The following PRAMEF20 variants were observed in gnomAD, a reference collection of about 807,000 sequenced individuals.
PRAMEF20 encodes PRAME family member 20/21.
A neutral mutation model predicts 32.4 loss-of-function variants in PRAMEF20; 27 were observed. The observed-to-expected ratio is 0.83, with a 90% CI of 0.61 to 1.15. PRAMEF20 has a LOEUF of 1.15. Among genes scored for constraint, PRAMEF20 ranks in the 50% most tolerant of loss-of-function variants. The pLI is 0.00. For synonymous variants in PRAMEF20, 256 were observed against 235.4 expected, an observed-to-expected ratio of 1.09 and a Z score of -0.80; for missense variants, 604 against 584.5, an observed-to-expected ratio of 1.03 and a Z score of -0.34.
chr1:13,418,525 A>G, exon 2 of PRAMEF20: 1 of 1,613,994 alleles, frequency 6.2e-7, no homozygotes, highest in Non-Finnish European at 8.5e-7. Flanking sequence ...CCTCGGCCAG[A>G]TGAGGAATCT....
upstream of PRAMEF20, among the ~76,000 whole-genome samples, chr1:13,413,022 T>C (rs1283235893): frequency 6.6e-6 from 1 of 152,168 alleles, no homozygotes; most frequent in East Asian, 1.9e-4. Flanking sequence ...GTCATCTCTG[T>C]CTTTGTAAAC....
intron 1 of PRAMEF20, among the ~76,000 whole-genome samples, chr1:13,417,644 CAG>C (rs1365239730): frequency 6.7e-6 from 1 of 149,386 alleles, no homozygotes; most frequent in East Asian, 2.0e-4. Flanking sequence ...AAGGGTAAAA[CAG>C]GGTGGAGAAA....
chr1:13,420,902 G>A (rs1641235473), exon 3 of PRAMEF20: 1 of 1,613,862 alleles, frequency 6.2e-7, no homozygotes, highest in African/African-American at 1.3e-5. Flanking sequence ...GGACTTAGAT[G>A]ACTGTGGCAT....
upstream of PRAMEF20, among the ~76,000 whole-genome samples, chr1:13,414,208 ATTTTTT>A (rs149194621): frequency 0.014 from 1,680 of 123,288 alleles, 23 homozygotes; most frequent in Middle Eastern, 0.023. Context: ...CACCTGACTA[ATTTTTT>A]TTTTTTTTTT....
In PRAMEF20 at chr1:13,420,262, G is replaced by A. The variant is rs897259928; in HGVS notation, c.867-435G>A. ...GTCTCGCTCTGTCACCCAGGCTGGA[G>A]TGCAGTGGCACGATCTCTGCTCACT... is the stretch of plus-strand genomic sequence containing the variant. On this transcript the variant is annotated intron_variant, in intron 2 of 2. Transcript: ENST00000602960. Among the ~76,000 whole-genome samples the A allele has an allele frequency of 7.9e-5, 12 of 152,260 alleles. No individual in the cohort carries two copies. The East Asian group carries it at 2.3e-3, about 29-fold the overall frequency.
chr1:13,416,364 C>G, exon 1 of PRAMEF20: 1 of 1,610,200 alleles, frequency 6.2e-7, no homozygotes, highest in South Asian at 1.1e-5. Flanking sequence ...GATGAGCATC[C>G]GGACTCCACC....
chr1:13,421,304 A>G (rs1557478068), exon 3 of PRAMEF20: 6 of 1,612,840 alleles, frequency 3.7e-6, no homozygotes, highest in Admixed American at 1.7e-5. Context: ...TTTTCTGAAC[A>G]CTTGAAAACT....
upstream of PRAMEF20, among the ~76,000 whole-genome samples, chr1:13,414,048 A>G (rs1641137698): frequency 6.6e-6 from 1 of 151,330 alleles, no homozygotes; most frequent in Non-Finnish European, 1.5e-5. Flanking sequence ...TTTTTTGTTT[A>G]TTTGTTTGTT....
chr1:13,414,388 A>AT (rs1436369175), upstream of PRAMEF20, among the ~76,000 whole-genome samples: 9 of 151,866 alleles, frequency 5.9e-5, no homozygotes, highest in Non-Finnish European at 1.0e-4. Context: ...ATATTTTGTG[A>AT]TTTTGTGTGC....
chr1:13,420,912 T>C (rs1641235668), exon 3 of PRAMEF20: 8 of 1,613,692 alleles, frequency 5.0e-6, no homozygotes, highest in Admixed American at 1.7e-5. Context: ...GACTGTGGCA[T>C]CGTAGACTCC....
At chr1:13,416,406 C>T (rs1641171177) in exon 1 of PRAMEF20, 2 of 1,613,742 alleles carry the variant, frequency 1.2e-6, no homozygotes, top group East Asian at 2.2e-5. Context: ...GCGGAGCCTG[C>T]TGAGGGACGA....
upstream of PRAMEF20, among the ~76,000 whole-genome samples, chr1:13,415,122 C>T (rs1557475755): frequency 6.6e-6 from 1 of 151,942 alleles, no homozygotes; most frequent in African/African-American, 2.4e-5. Flanking sequence ...TCATGTCGCC[C>T]AGGCTGGAGT....
At chr1:13,419,671 G>T (rs1314742388) in intron 2 of PRAMEF20, among the ~76,000 whole-genome samples, 2 of 151,810 alleles carry the variant, frequency 1.3e-5, no homozygotes, top group African/African-American at 4.8e-5. Flanking sequence ...TGATCCGCCC[G>T]CCTCGGCCTC....
At position 13,416,593 on chromosome 1, in the gene PRAMEF20, C is replaced by T; in HGVS notation, c.239C>T (p.Ala80Val). Residue 80 changes from alanine to valine, a missense_variant, in exon 1 of 3, where the codon GCT (alanine) becomes GTT (valine). Coordinates refer to ENST00000602960, the Ensembl canonical transcript of PRAMEF20. ...AGGCCTTGCCCAGAGACCTTCCAAG[C>T]TGTGCTCGATGGGCTTGATGCACTG... The T allele has an allele frequency of 2.5e-6, 4 of 1,614,178 alleles. 1 individual carries two copies. In the South Asian group the frequency reaches 3.3e-5, roughly 13 times the overall value.
chr1:13,410,684 C>T, the PRAMEF20 span: 2 of 134,830 alleles, frequency 1.5e-5, no homozygotes. Context: ...GCAGTTTTGT[C>T]TTCATTTCAA....
rs1049790683 is a variant in PRAMEF20, at chr1:13,420,013, G to A, written c.867-684G>A. ...CTGATGATACAGGCGTGTCAGGGAC[G>A]CCTGCAGCCTGCCCACCCCAGCTGA... On this transcript the variant is annotated intron_variant, in intron 2 of 2. Coordinates refer to ENST00000602960, the Ensembl canonical transcript of PRAMEF20. Among the ~76,000 whole-genome samples, 4 of 152,124 alleles carry A rather than the reference G, an allele frequency of 2.6e-5. 1 individual carries two copies. In the South Asian group the frequency reaches 6.2e-4, roughly 24 times the overall value.
upstream of PRAMEF20, among the ~76,000 whole-genome samples, chr1:13,412,846 C>T (rs1641126842): frequency 6.6e-6 from 1 of 151,948 alleles, no homozygotes; most frequent in Non-Finnish European, 1.5e-5. Flanking sequence ...ATCCATTGAA[C>T]CTGGGAGGTG....
chr1:13,412,545 C>T (rs1229865142), upstream of PRAMEF20, among the ~76,000 whole-genome samples: 5 of 152,134 alleles, frequency 3.3e-5, no homozygotes, highest in African/African-American at 4.8e-5. Flanking sequence ...AACAGATCCC[C>T]TAAGATCCCC....
upstream of PRAMEF20, among the ~76,000 whole-genome samples, chr1:13,415,693 G>C (rs1364450547): frequency 6.6e-6 from 1 of 151,544 alleles, no homozygotes; most frequent in Non-Finnish European, 1.5e-5. Flanking sequence ...GGGAGGCTGA[G>C]ATGGAAGAAT....
Sources: gnomAD v4.1 joint callset for allele counts (sites outside exome capture counted in the v4.1 genomes callset) on GRCh38, gnomAD v4.1.1 for gene constraint, MANE v1.5 for transcripts, NCBI Gene and HGNC (gene_info 2026-07-23, HGNC 2026-07-21) for gene names.